The following ULK2 variants were observed in gnomAD, a reference collection of about 807,000 sequenced individuals.
ULK2 encodes unc-51 like autophagy activating kinase 2, also known as serine/threonine-protein kinase ULK2.
ULK2 carries 76 observed loss-of-function variants against 127.5 expected under a neutral mutation model. The ratio of observed to expected loss-of-function variants is 0.60; its 90% CI spans 0.50 to 0.72. The LOEUF is 0.72. Ranked by LOEUF, ULK2 falls within the 30% of genes least tolerant of loss-of-function variation. ULK2 has a pLI of 0.00. For missense variants in ULK2, 1,144 were observed against 1,295.9 expected (o/e 0.88, Z 1.80); for synonymous variants, 452 against 461.9 (o/e 0.98, Z 0.28).
At chr17:19,798,118 G>A (rs753902810) in intron 17 of ULK2, among the ~76,000 whole-genome samples, 31 of 151,970 alleles carry the variant, frequency 2.0e-4, no homozygotes, top group Non-Finnish European at 4.0e-4. Context: ...AAGAAAACTC[G>A]AACTAACTCA....
intron 14 of ULK2, among the ~76,000 whole-genome samples, chr17:19,805,245 T>C (rs1471361606): frequency 1.3e-5 from 2 of 152,242 alleles, no homozygotes; most frequent in Non-Finnish European, 2.9e-5. Context: ...TCATGAATGC[T>C]GTAAGCATTC....
At chr17:19,849,306 C>A in intron 5 of ULK2, 63 bp downstream of exon 5, 1 of 1,434,372 alleles carries the variant, frequency 7.0e-7, no homozygotes, top group Non-Finnish European at 9.7e-7. Flanking sequence ...TCACAAGTAC[C>A]TCTTAGGATT....
intron 15 of ULK2, among the ~76,000 whole-genome samples, chr17:19,802,455 A>G (rs1294338868): frequency 6.6e-6 from 1 of 152,224 alleles, no homozygotes; most frequent in Admixed American, 6.5e-5. Flanking sequence ...AAAAATAAGC[A>G]TATTTTCCAA....
Position 19,867,527 on chromosome 17 carries a change from G to C in ULK2, c.-110C>G. 1.5e-6 allele frequency: 1 copy of C among 648,928 alleles called. No homozygotes were observed. The highest frequency in any genetic ancestry group is 2.2e-6 in the Non-Finnish European group (1 of 458,004). The allele number at this position is 648,928 out of a possible 1,614,324, so 40.2% of individuals were successfully genotyped here. On this transcript the variant is annotated 5_prime_UTR_variant, in exon 1 of 27. Coordinates refer to ENST00000395544, the MANE Select transcript of ULK2 (RefSeq NM_014683.4). ...CGCGCCAGCGTGCGGCGGGTCTGGG[G>C]CAGCCGCAGCCCCGGGCCCGGGCGG... is the stretch of plus-strand genomic sequence containing the variant.
chr17:19,816,995 T>C (rs535259475), intron 12 of ULK2, 75 bp from the exon 13 acceptor site: 8 of 725,732 alleles, frequency 1.1e-5, no homozygotes, highest in Middle Eastern at 4.2e-4. Flanking sequence ...GACTAAGGAA[T>C]TTTTTTTTTT....
chr17:19,784,869 T>C (rs894323788), intron 21 of ULK2, among the ~76,000 whole-genome samples: 46 of 152,154 alleles, frequency 3.0e-4, no homozygotes, highest in Non-Finnish European at 1.2e-4. Context: ...TTAACAGATA[T>C]AAAATGTTAC....
chr17:19,832,101 G>A (rs183000807), intron 10 of ULK2, among the ~76,000 whole-genome samples: 106 of 151,312 alleles, frequency 7.0e-4, no homozygotes, highest in Non-Finnish European at 9.7e-4. Flanking sequence ...GCACTCCAGC[G>A]TTGGTGACAG....
intron 3 of ULK2, among the ~76,000 whole-genome samples, chr17:19,855,381 G>C (rs1369894324): frequency 6.6e-6 from 1 of 151,358 alleles, no homozygotes; most frequent in Non-Finnish European, 1.5e-5. Flanking sequence ...TCCAGCCTGG[G>C]TGACAGAGCG....
chr17:19,847,280 A>G (rs1161113080), intron 5 of ULK2, among the ~76,000 whole-genome samples: 1 of 152,174 alleles, frequency 6.6e-6, no homozygotes, highest in Non-Finnish European at 1.5e-5. Context: ...TTAGTCAAAT[A>G]TCTGGAATAA....
chr17:19,829,357 GA>G (rs1016263203), intron 10 of ULK2, among the ~76,000 whole-genome samples: 4 of 151,956 alleles, frequency 2.6e-5, no homozygotes, highest in African/African-American at 9.7e-5. Flanking sequence ...AAAAAATGGT[GA>G]AACCCTGTCT....
At chr17:19,828,737 G>A (rs1567707829) in intron 10 of ULK2, among the ~76,000 whole-genome samples, 1 of 152,206 alleles carries the variant, frequency 6.6e-6, no homozygotes, top group Non-Finnish European at 1.5e-5. Context: ...TACTTTAAAT[G>A]TAAATAGATC....
At chr17:19,864,460 G>C (rs898557343) in intron 3 of ULK2, among the ~76,000 whole-genome samples, 2 of 150,252 alleles carry the variant, frequency 1.3e-5, no homozygotes, top group Non-Finnish European at 2.9e-5. Context: ...AAGAGACAGA[G>C]TGAGACTCCA....
rs2086740925 is a variant in ULK2 at position 19,771,899 on chromosome 17, C to T, written c.*4450G>A. On this transcript the variant is annotated 3_prime_UTR_variant, in exon 27 of 27. Coordinates refer to ENST00000395544, the MANE Select transcript of ULK2 (RefSeq NM_014683.4). ...GCTAACTGTCCAAGAGCACGACTGT[C>T]TTGGGACAGGAGATCATGCTGCAGA... 2 of 152,288 alleles carry T rather than the reference C, an allele frequency of 1.3e-5. No individual in the cohort carries two copies. Among genetic ancestry groups the T allele is most frequent in the South Asian group, 4.1e-4 (2 of 4,824 alleles). The allele number at this position is 152,288 out of a possible 1,614,324, so 9.4% of individuals were successfully genotyped here.
At chr17:19,780,759 T>C (rs1316251180) in intron 24 of ULK2, 130 bp from the exon 25 acceptor site, 1 of 1,122,354 alleles carries the variant, frequency 8.9e-7, no homozygotes, top group East Asian at 2.6e-5. Context: ...GGACCAGAAA[T>C]AGGATTTTTT....
chr17:19,794,190 T>C (rs530666647), intron 20 of ULK2, among the ~76,000 whole-genome samples: 8 of 151,376 alleles, frequency 5.3e-5, no homozygotes, highest in African/African-American at 1.7e-4. Context: ...GAAATAAGAA[T>C]GAAAGAAGAA....
rs2041900082 is a variant in ULK2 at position 19,847,001 on chromosome 17, G to A, written c.296-91C>T. 4 of 1,225,254 alleles carry A rather than the reference G, an allele frequency of 3.3e-6. No individual in the cohort carries two copies. In the African/African-American group the frequency reaches 6.2e-5, roughly 19 times the overall value. 75.9% of individuals were successfully genotyped at this position (1,225,254 alleles called of 1,614,324 possible). On this transcript the variant is annotated intron_variant, in intron 5 of 26. Transcript: ENST00000395544. ...CAACAGGATTGGGTTGTGAAGGAGA[G>A]CATGAAGGGAATGAGGAATTTGGAT...
In ULK2 at chr17:19,797,699, T is replaced by C; in HGVS notation, c.1523-17A>G. On this transcript the variant is annotated splice_polypyrimidine_tract_variant and intron_variant, in intron 17 of 26. Coordinates refer to ENST00000395544, the MANE Select transcript of ULK2 (RefSeq NM_014683.4). ...CTGGAGAACCTAACAAGAAAACAAA[T>C]GTAACATTAACCTGAAGTGAAGAAG... 2 of 1,476,100 alleles carry C rather than the reference T, an allele frequency of 1.4e-6. No individual in the cohort carries two copies. The highest frequency in any genetic ancestry group is 2.5e-5 in the East Asian group (1 of 39,782). 91.4% of individuals were successfully genotyped at this position (1,476,100 alleles called of 1,614,324 possible). A position where few individuals can be genotyped will look rare whatever the true frequency, so the allele number is the denominator to read the frequency against.
At chr17:19,816,162 A>G (rs2040984132) in intron 13 of ULK2, among the ~76,000 whole-genome samples, 1 of 152,216 alleles carries the variant, frequency 6.6e-6, no homozygotes, top group South Asian at 2.1e-4. Context: ...AAAGTAATCA[A>G]ATCTCTAGCT....
intron 12 of ULK2, among the ~76,000 whole-genome samples, chr17:19,823,115 C>A (rs2041200653): frequency 7.3e-6 from 1 of 136,056 alleles, no homozygotes; most frequent in African/African-American, 3.1e-5. Context: ...CATGCCCAGG[C>A]ACGCCTGGCT....
Sources: gnomAD v4.1 joint callset for allele counts (sites outside exome capture counted in the v4.1 genomes callset) on GRCh38, gnomAD v4.1.1 for gene constraint, MANE v1.5 for transcripts, NCBI Gene and HGNC (gene_info 2026-07-23, HGNC 2026-07-21) for gene names.